The following SV2C variants were observed in gnomAD, a reference collection of about 807,000 sequenced individuals.
The protein encoded by SV2C is synaptic vesicle glycoprotein 2C, also known as solute carrier family 22 member B3.
In SV2C, 49 loss-of-function variants were observed where a neutral mutation model predicts 79.7. The ratio of observed to expected loss-of-function variants is 0.61; its 90% confidence interval spans 0.49 to 0.78. The LOEUF (loss-of-function observed/expected upper bound fraction) is 0.78, where lower values mean the gene tolerates loss of function less well. Among genes scored for constraint, SV2C ranks in the 30% least tolerant of loss-of-function variants. The pLI is 0.00. For missense variants in SV2C, 833 were observed against 912.9 expected, an observed-to-expected ratio of 0.91 and a Z score of 1.13; for synonymous variants, 334 against 333.2, an observed-to-expected ratio of 1.00 and a Z score of -0.03.
chr5:76,182,440 G>A (rs1292871696), intron 2 of SV2C, among the ~76,000 whole-genome samples: 1 of 152,152 alleles, frequency 6.6e-6, no homozygotes, highest in African/African-American at 2.4e-5. Context: ...CTCCAAGCCT[G>A]CTCTCTTTTT....
chr5:75,934,753 TG>T, the SV2C span, among the ~76,000 whole-genome samples: 1 of 152,164 alleles, frequency 6.6e-6, no homozygotes, highest in African/African-American at 2.4e-5. Context: ...TGGTGGTGTG[TG>T]GGGGTACATG....
At chr5:75,891,150 A>G in the SV2C span, among the ~76,000 whole-genome samples, 1 of 152,102 alleles carries the variant, frequency 6.6e-6, no homozygotes, top group Non-Finnish European at 1.5e-5. Flanking sequence ...TCTGATACAA[A>G]TCAGCAGTCA....
At chr5:75,920,851 G>A in the SV2C span, 1 of 761,666 alleles carries the variant, frequency 1.3e-6, no homozygotes, top group Non-Finnish European at 2.4e-6. Flanking sequence ...TTGTCCACAG[G>A]GTGAATCTTA....
At chr5:76,038,198 A>G in the SV2C span, among the ~76,000 whole-genome samples, 3 of 152,222 alleles carry the variant, frequency 2.0e-5, no homozygotes, top group Non-Finnish European at 2.9e-5. Context: ...GAAATCCCAT[A>G]TCTTCTTATT....
chr5:76,263,942 G>A (rs2937724), intron 4 of SV2C, among the ~76,000 whole-genome samples: 37,196 of 151,788 alleles, frequency 0.25, 4,771 homozygotes, highest in East Asian at 0.3. Flanking sequence ...GTATCTTAGC[G>A]GTGTTCTCTG....
the SV2C span, among the ~76,000 whole-genome samples, chr5:76,064,934 T>G: frequency 6.6e-6 from 1 of 152,188 alleles, no homozygotes; most frequent in African/African-American, 2.4e-5. Context: ...CTGTCTTCCT[T>G]TTTCTCGTAA....
the SV2C span, among the ~76,000 whole-genome samples, chr5:75,976,289 CTCTT>C: frequency 6.6e-6 from 1 of 152,124 alleles, no homozygotes; most frequent in Admixed American, 6.6e-5. Flanking sequence ...CTCACTCTCT[CTCTT>C]TCTCTCTCTC....
At chr5:75,867,964 C>G in the SV2C span, among the ~76,000 whole-genome samples, 1 of 152,148 alleles carries the variant, frequency 6.6e-6, no homozygotes, top group African/African-American at 2.4e-5. Context: ...GGTGCATAGT[C>G]TGTTGGGAGA....
chr5:76,140,116 C>T (rs1030666068), intron 2 of SV2C, among the ~76,000 whole-genome samples: 4 of 152,090 alleles, frequency 2.6e-5, no homozygotes, highest in Non-Finnish European at 5.9e-5. Context: ...ACTTGGCATT[C>T]CTATATCTTC....
chr5:76,323,061 C>T (rs1454861436), intron 12 of SV2C, among the ~76,000 whole-genome samples: 1 of 152,184 alleles, frequency 6.6e-6, no homozygotes, highest in Non-Finnish European at 1.5e-5. Context: ...TAAAGATCTT[C>T]AGCACAGCAA....
the SV2C span, among the ~76,000 whole-genome samples, chr5:75,985,301 C>T: frequency 6.6e-6 from 1 of 151,950 alleles, no homozygotes; most frequent in Non-Finnish European, 1.5e-5. Flanking sequence ...GGGATCTGCT[C>T]CTATGATCCA....
intron 2 of SV2C, among the ~76,000 whole-genome samples, chr5:76,155,777 T>TA (rs1443070890): frequency 6.6e-6 from 1 of 151,808 alleles, no homozygotes; most frequent in Non-Finnish European, 1.5e-5. Context: ...GGGTGTCACT[T>TA]AGAGAGAAGC....
chr5:76,050,764 G>A, the SV2C span, among the ~76,000 whole-genome samples: 128 of 152,250 alleles, frequency 8.4e-4, no homozygotes, highest in Non-Finnish European at 1.9e-4. Flanking sequence ...GTCAAAAGGA[G>A]GTGATCTGTA....
chr5:76,031,434 C>G, the SV2C span, among the ~76,000 whole-genome samples: 1 of 152,232 alleles, frequency 6.6e-6, no homozygotes, highest in Non-Finnish European at 1.5e-5. Context: ...GACCTACACA[C>G]CCCTTCTTGC....
intron 12 of SV2C, among the ~76,000 whole-genome samples, chr5:76,346,661 CT>C (rs1749550524): frequency 6.6e-6 from 1 of 152,064 alleles, no homozygotes; most frequent in African/African-American, 2.4e-5. Context: ...TTTGTTTGCA[CT>C]TTTTTGCCAT....
intron 2 of SV2C, among the ~76,000 whole-genome samples, chr5:76,184,558 C>T (rs1580338170): frequency 6.6e-6 from 1 of 152,182 alleles, no homozygotes; most frequent in Non-Finnish European, 1.5e-5. Context: ...GGGGAGGTCT[C>T]AAGAAACTTA....
the SV2C span, among the ~76,000 whole-genome samples, chr5:75,854,209 AT>A: frequency 3.9e-5 from 6 of 152,028 alleles, no homozygotes; most frequent in African/African-American, 1.4e-4. Flanking sequence ...TATGTACTTC[AT>A]TTCTTTTTAT....
intron 4 of SV2C, among the ~76,000 whole-genome samples, chr5:76,249,088 C>A (rs191350880): frequency 6.6e-6 from 1 of 151,974 alleles, no homozygotes; most frequent in Non-Finnish European, 1.5e-5. Flanking sequence ...CCTTAATAAA[C>A]CTGGAAGAAA....
rs1463636540 is a variant in SV2C, at chr5:76,328,807, C to T, written c.*3260C>T. 1 of 151,770 alleles carries T rather than the reference C, an allele frequency of 6.6e-6. No homozygotes were observed. The highest frequency in any genetic ancestry group is 1.9e-4 in the East Asian group (1 of 5,184). The allele number at this position is 151,770 out of a possible 1,614,324, so 9.4% of individuals were successfully genotyped here. ...TTAGGTGGAGTTTCACTCTGTTGCC[C>T]AGGCTGGAGTGCAGTGGTGGGAACT... On this transcript the variant is annotated 3_prime_UTR_variant, in exon 13 of 13. Transcript: ENST00000502798.
Sources: gnomAD v4.1 joint callset for allele counts (sites outside exome capture counted in the v4.1 genomes callset) on GRCh38, gnomAD v4.1.1 for gene constraint, MANE v1.5 for transcripts, NCBI Gene and HGNC (gene_info 2026-07-23, HGNC 2026-07-21) for gene names.